Variants in DPYD observed in about 807,000 individuals in gnomAD.
DPYD encodes the protein dihydropyrimidine dehydrogenase [NADP(+)].
In DPYD, 109 loss-of-function variants were observed where a neutral mutation model predicts 116.2. The observed-to-expected ratio is 0.94, with a 90% CI of 0.80 to 1.10. The LOEUF is 1.10. Among genes scored for constraint, DPYD ranks in the 50% least tolerant of loss-of-function variants. The pLI is 0.00. For synonymous variants in DPYD, 440 were observed against 432.0 expected (o/e 1.02, Z -0.23); for missense variants, 1,302 against 1,254.5 (o/e 1.04, Z -0.57).
chr1:97,624,152 T>C (rs1407177978), intron 8 of DPYD, among the ~76,000 whole-genome samples: 1 of 152,074 alleles, frequency 6.6e-6, no homozygotes, highest in Non-Finnish European at 1.5e-5. Flanking sequence ...AAAAGACTTC[T>C]GCATTACCAA....
intron 14 of DPYD, among the ~76,000 whole-genome samples, chr1:97,445,645 T>C (rs2101775486): frequency 6.6e-6 from 1 of 152,316 alleles, no homozygotes; most frequent in Non-Finnish European, 1.5e-5. Flanking sequence ...GTCTCTGGTT[T>C]TGGCCAGAAA....
At chr1:97,478,350 T>G (rs970513026) in intron 13 of DPYD, among the ~76,000 whole-genome samples, 1 of 152,098 alleles carries the variant, frequency 6.6e-6, no homozygotes, top group African/African-American at 2.4e-5. Context: ...TGCAGTGGCA[T>G]GACCTTAGCT....
At chr1:97,255,598 T>C (rs1663398396) in intron 18 of DPYD, among the ~76,000 whole-genome samples, 2 of 152,168 alleles carry the variant, frequency 1.3e-5, no homozygotes, top group Admixed American at 6.6e-5. Context: ...CATGTGGAAC[T>C]GTAAGTCCAT....
At chr1:97,598,888 C>T (rs924136701) in intron 8 of DPYD, among the ~76,000 whole-genome samples, 1 of 152,180 alleles carries the variant, frequency 6.6e-6, no homozygotes, top group African/African-American at 2.4e-5. Flanking sequence ...CAATTTCTAA[C>T]GTGGACACTG....
intron 8 of DPYD, among the ~76,000 whole-genome samples, chr1:97,677,284 A>G (rs1277519606): frequency 6.6e-6 from 1 of 152,194 alleles, no homozygotes; most frequent in East Asian, 1.9e-4. Context: ...TGAAGTTCTT[A>G]CAGATACATG....
At chr1:97,897,385 T>C (rs769942331) in intron 1 of DPYD, among the ~76,000 whole-genome samples, 3 of 151,896 alleles carry the variant, frequency 2.0e-5, no homozygotes, top group Non-Finnish European at 4.4e-5. Context: ...TTGTTTTCTT[T>C]ATATTTCTTC....
chr1:97,306,089 T>C (rs1667143249), intron 17 of DPYD, 88 bp downstream of exon 17: 2 of 1,597,452 alleles, frequency 1.3e-6, no homozygotes, highest in Non-Finnish European at 1.7e-6. Context: ...TATGCACATG[T>C]TTGTAGGAAA....
rs920319980 is a variant in DPYD at position 97,882,284 on chromosome 1, GTTTC to G, written c.150+976_150+979del. On this transcript the variant is annotated intron_variant, in intron 2 of 22. Transcript: ENST00000370192. ...TCTTTTCATGTAACATTGTTTCTCT[GTTTC>G]TTTTTCTTTTTTCATTCAAAAAAAA... Among the ~76,000 whole-genome samples the G allele has an allele frequency of 4.6e-5, 7 of 151,822 alleles. No individual in the cohort carries two copies. In the South Asian group the frequency reaches 1.0e-3, roughly 22 times the overall value.
At chr1:97,205,126 A>C (rs1659500944) in intron 19 of DPYD, among the ~76,000 whole-genome samples, 1 of 152,110 alleles carries the variant, frequency 6.6e-6, no homozygotes, top group African/African-American at 2.4e-5. Flanking sequence ...TAGATGGTAC[A>C]TCTGTTACAG....
intron 3 of DPYD, among the ~76,000 whole-genome samples, chr1:97,762,952 G>C (rs924985372): frequency 1.3e-5 from 2 of 152,018 alleles, no homozygotes; most frequent in Admixed American, 6.6e-5. Flanking sequence ...GGCATAAAAA[G>C]CTCCTTCTTC....
intron 18 of DPYD, among the ~76,000 whole-genome samples, chr1:97,287,948 G>A (rs966663570): frequency 1.1e-4 from 17 of 151,412 alleles, no homozygotes; most frequent in South Asian, 2.1e-4. Flanking sequence ...CCCATCTCAC[G>A]TGCAGAGACA....
intron 20 of DPYD, among the ~76,000 whole-genome samples, chr1:97,162,188 A>G (rs1265229938): frequency 2.0e-5 from 3 of 152,120 alleles, no homozygotes; most frequent in Non-Finnish European, 4.4e-5. Flanking sequence ...AGTCCCACCA[A>G]CAGTGTAAAA....
In DPYD at chr1:97,100,676, A is replaced by G. The variant is rs1348809006; in HGVS notation, c.2623-2044T>C. Among the ~76,000 whole-genome samples the G allele has an allele frequency of 3.3e-5, 5 of 152,094 alleles. No homozygotes were observed. In the East Asian group the frequency reaches 9.6e-4, roughly 29 times the overall value. On this transcript the variant is annotated intron_variant, in intron 20 of 22. Transcript: ENST00000370192. ...GCAACCTTTTAATCTATCTTCCTTT[A>G]AATGTACATCAGAGGATAGTATATT...
At chr1:97,124,667 G>A (rs560164675) in intron 20 of DPYD, among the ~76,000 whole-genome samples, 1 of 152,068 alleles carries the variant, frequency 6.6e-6, no homozygotes, top group Non-Finnish European at 1.5e-5. Flanking sequence ...GGGTTCAGTG[G>A]ATATAAGTCC....
intron 4 of DPYD, among the ~76,000 whole-genome samples, chr1:97,738,972 C>G (rs886767609): frequency 2.6e-5 from 4 of 151,976 alleles, no homozygotes; most frequent in Admixed American, 2.6e-4. Flanking sequence ...AAAATAACTA[C>G]TGATTCTGAA....
intron 19 of DPYD, among the ~76,000 whole-genome samples, chr1:97,208,647 T>C (rs1333982275): frequency 6.6e-6 from 1 of 152,132 alleles, no homozygotes; most frequent in Non-Finnish European, 1.5e-5. Context: ...AAAAACTACC[T>C]ACTAATTAAT....
chr1:97,740,086 T>C (rs1445751164), intron 4 of DPYD, among the ~76,000 whole-genome samples: 1 of 152,156 alleles, frequency 6.6e-6, no homozygotes, highest in Admixed American at 6.6e-5. Context: ...CAATGACAGT[T>C]CTTGTCTATT....
intron 19 of DPYD, among the ~76,000 whole-genome samples, chr1:97,206,586 T>C (rs1379433159): frequency 6.9e-6 from 1 of 144,236 alleles, no homozygotes; most frequent in Non-Finnish European, 1.5e-5. Context: ...CTGCTTTCTG[T>C]TCTGACCACT....
chr1:97,464,593 C>A (rs1040297523), intron 13 of DPYD, among the ~76,000 whole-genome samples: 1 of 152,122 alleles, frequency 6.6e-6, no homozygotes, highest in Non-Finnish European at 1.5e-5. Flanking sequence ...CTAAAATGGG[C>A]CAAGGAACAG....
Sources: allele counts gnomAD v4.1 joint callset (sites outside exome capture counted in the v4.1 genomes callset), GRCh38; gene constraint gnomAD v4.1.1; transcripts MANE v1.5; gene names NCBI Gene and HGNC (gene_info 2026-07-23, HGNC 2026-07-21).